Variants in CATSPERT observed in about 807,000 individuals in gnomAD.
The protein encoded by CATSPERT is cation channel sperm-associated targeting subunit tau.
chr2:201,488,938 TAGTG>T, the CATSPERT span, among the ~76,000 whole-genome samples: 7 of 152,324 alleles, frequency 4.6e-5, no homozygotes, highest in South Asian at 6.2e-4. Flanking sequence ...TATGCTATGT[TAGTG>T]AGTAACACAT....
chr2:201,609,671 T>A, the CATSPERT span, among the ~76,000 whole-genome samples: 2 of 152,074 alleles, frequency 1.3e-5, no homozygotes, highest in African/African-American at 2.4e-5. Flanking sequence ...ATACCAAAAC[T>A]ATGGGATACA....
At chr2:201,614,351 A>T in the CATSPERT span, among the ~76,000 whole-genome samples, 1 of 152,234 alleles carries the variant, frequency 6.6e-6, no homozygotes, top group African/African-American at 2.4e-5. Context: ...TCAGACTAAC[A>T]GCAGATCTCT....
chr2:201,493,176 T>C, the CATSPERT span: 1 of 1,529,476 alleles, frequency 6.5e-7, no homozygotes, highest in Non-Finnish European at 8.8e-7. Context: ...TATCCATTAA[T>C]GAGTTAGTTA....
At chr2:201,528,161 C>G in the CATSPERT span, among the ~76,000 whole-genome samples, 11 of 151,596 alleles carry the variant, frequency 7.3e-5, no homozygotes. Context: ...TGAAAATATG[C>G]TCAACATTAC....
the CATSPERT span, among the ~76,000 whole-genome samples, chr2:201,608,667 A>T: frequency 1.3e-5 from 2 of 152,034 alleles, no homozygotes; most frequent in African/African-American, 4.8e-5. Flanking sequence ...ATATATAAAA[A>T]TTAGCCAGGC....
chr2:201,509,349 T>C, the CATSPERT span, among the ~76,000 whole-genome samples: 1 of 151,008 alleles, frequency 6.6e-6, no homozygotes, highest in Admixed American at 6.6e-5. Context: ...TGTTGAGTTG[T>C]AGAAGTTCCT....
the CATSPERT span, among the ~76,000 whole-genome samples, chr2:201,591,594 A>G: frequency 6.6e-6 from 1 of 152,024 alleles, no homozygotes; most frequent in African/African-American, 2.4e-5. Context: ...CATTTTCACG[A>G]TATTGATTCT....
chr2:201,502,180 C>T, the CATSPERT span, among the ~76,000 whole-genome samples: 10 of 152,198 alleles, frequency 6.6e-5, no homozygotes, highest in Non-Finnish European at 1.2e-4. Flanking sequence ...CTCCAAAAAA[C>T]GTTTCTACTG....
chr2:201,595,213 C>A, the CATSPERT span, among the ~76,000 whole-genome samples: 3 of 137,540 alleles, frequency 2.2e-5, no homozygotes. Flanking sequence ...TTTTTTGAGA[C>A]GGAGTCTCAC....
At chr2:201,540,484 A>C in the CATSPERT span, among the ~76,000 whole-genome samples, 1 of 152,196 alleles carries the variant, frequency 6.6e-6, no homozygotes, top group African/African-American at 2.4e-5. Context: ...CCATTCTAAA[A>C]ATCCCAGGGC....
chr2:201,503,504 A>T, the CATSPERT span, among the ~76,000 whole-genome samples: 1 of 152,116 alleles, frequency 6.6e-6, no homozygotes, highest in South Asian at 2.1e-4. Flanking sequence ...AAGTGATCCT[A>T]CTGCCTCAGC....
chr2:201,512,988 G>T, the CATSPERT span, among the ~76,000 whole-genome samples: 1 of 151,324 alleles, frequency 6.6e-6, no homozygotes, highest in Non-Finnish European at 1.5e-5. Flanking sequence ...GCTAAATGAT[G>T]ATTTAATGGG....
chr2:201,489,050 C>T, the CATSPERT span, among the ~76,000 whole-genome samples: 1 of 152,182 alleles, frequency 6.6e-6, no homozygotes, highest in Non-Finnish European at 1.5e-5. Context: ...GCTCCTACGA[C>T]TCAATTTCTC....
At chr2:201,493,408 G>A in the CATSPERT span, 1 of 1,537,062 alleles carries the variant, frequency 6.5e-7, no homozygotes, top group Non-Finnish European at 8.7e-7. Context: ...TCTGATTTCT[G>A]AATAATACTC....
the CATSPERT span, among the ~76,000 whole-genome samples, chr2:201,511,344 A>C: frequency 1.3e-5 from 2 of 152,202 alleles, no homozygotes; most frequent in Admixed American, 6.5e-5. Context: ...TTATGTTCCA[A>C]GCCCTTTAAA....
the CATSPERT span, among the ~76,000 whole-genome samples, chr2:201,569,942 G>A: frequency 1.3e-5 from 2 of 152,096 alleles, no homozygotes; most frequent in Admixed American, 1.3e-4. Context: ...CAGCACTTTC[G>A]GAGTCTGAAG....
chr2:201,573,312 T>C, the CATSPERT span, among the ~76,000 whole-genome samples: 3 of 152,228 alleles, frequency 2.0e-5, no homozygotes, highest in Non-Finnish European at 4.4e-5. Context: ...ATATCTTCTT[T>C]GGGTTTATTA....
At chr2:201,605,790 T>G in the CATSPERT span, among the ~76,000 whole-genome samples, 1 of 152,212 alleles carries the variant, frequency 6.6e-6, no homozygotes, top group East Asian at 1.9e-4. Context: ...TTTGGAGATG[T>G]TTTTAAGCCT....
At chr2:201,492,048 CTTAA>C in the CATSPERT span, 2 of 1,530,766 alleles carry the variant, frequency 1.3e-6, no homozygotes, top group Admixed American at 2.0e-5. Flanking sequence ...TTTTCTGTTC[CTTAA>C]TTAAAGATGA....
Sources: gnomAD v4.1 joint callset for allele counts (sites outside exome capture counted in the v4.1 genomes callset) on GRCh38, gnomAD v4.1.1 for gene constraint, MANE v1.5 for transcripts, NCBI Gene and HGNC (gene_info 2026-07-23, HGNC 2026-07-21) for gene names.